LTBP1: variants seen among roughly 807,000 people sequenced by gnomAD.
LTBP1 encodes the protein latent transforming growth factor beta binding protein 1.
In LTBP1, 129 loss-of-function variants were observed where a neutral mutation model predicts 207.6. That is an observed-to-expected ratio of 0.62 (90% CI 0.54 to 0.72). The LOEUF is 0.72. Ranked by LOEUF, LTBP1 falls within the 30% of genes least tolerant of loss-of-function variation. LTBP1 has a pLI of 0.00. For missense variants in LTBP1, 2,281 were observed against 2,217.2 expected (o/e 1.03, Z -0.58); for synonymous variants, 963 against 833.7 (o/e 1.16, Z -2.67).
intron 7 of LTBP1, among the ~76,000 whole-genome samples, chr2:33,203,624 C>G (rs919853202): frequency 5.9e-5 from 9 of 152,130 alleles, no homozygotes; most frequent in Non-Finnish European, 8.8e-5. Context: ...CCCCTCCTCT[C>G]AGATTTTTTT....
chr2:33,081,759 G>C (rs219094), intron 3 of LTBP1, among the ~76,000 whole-genome samples: 58,820 of 151,906 alleles, frequency 0.39, 13,323 homozygotes, highest in East Asian at 0.64. Flanking sequence ...GGAGGGACCC[G>C]GTGGGAGGTA....
intron 5 of LTBP1, among the ~76,000 whole-genome samples, chr2:33,180,589 C>G (rs1007314424): frequency 6.6e-6 from 1 of 151,780 alleles, no homozygotes; most frequent in Non-Finnish European, 1.5e-5. Flanking sequence ...GTAGCTGGGA[C>G]TACAGGTACA....
chr2:32,982,712 G>A (rs769102676), intron 2 of LTBP1, among the ~76,000 whole-genome samples: 20 of 152,332 alleles, frequency 1.3e-4, no homozygotes, highest in Middle Eastern at 3.4e-3. Flanking sequence ...AGCTCGGGCC[G>A]TGGCTTCAGA....
chr2:33,299,014 G>A (rs956778186), intron 20 of LTBP1, among the ~76,000 whole-genome samples: 3 of 152,120 alleles, frequency 2.0e-5, no homozygotes, highest in Non-Finnish European at 2.9e-5. Context: ...GGTGGCTAAC[G>A]CCTGTAATCC....
At chr2:33,262,696 T>C (rs768881817) in intron 13 of LTBP1, 26 bp from the exon 14 acceptor site, 6 of 1,235,348 alleles carry the variant, frequency 4.9e-6, no homozygotes, top group Admixed American at 4.2e-5. Context: ...TTTTTTCTTA[T>C]TCTCTTTTAA....
intron 7 of LTBP1, among the ~76,000 whole-genome samples, chr2:33,198,711 G>C (rs1009448573): frequency 6.6e-6 from 1 of 152,124 alleles, no homozygotes; most frequent in Non-Finnish European, 1.5e-5. Flanking sequence ...ATTCTCTGAT[G>C]GTAGTTTGTA....
chr2:33,161,516 C>T (rs2084468241), intron 5 of LTBP1, among the ~76,000 whole-genome samples: 1 of 152,204 alleles, frequency 6.6e-6, no homozygotes, highest in Admixed American at 6.5e-5. Flanking sequence ...ATCCACCTGC[C>T]TCAGCCTTCC....
In LTBP1 at chr2:32,947,178, T is replaced by A; in HGVS notation, c.-147T>A. On this transcript the variant is annotated 5_prime_UTR_variant, in exon 1 of 34. Transcript: ENST00000404816. ...CCGCTCAGCTGCCCGCAGAGCCTCCTCCCTCGCCACCGACTTGGTCTCCTC... is the reference window on the plus strand; with the variant it reads ...CCGCTCAGCTGCCCGCAGAGCCTCCACCCTCGCCACCGACTTGGTCTCCTC... 1 of 500,568 alleles carries A rather than the reference T, an allele frequency of 2.0e-6. No homozygotes were observed. Among genetic ancestry groups the A allele is most frequent in the Non-Finnish European group, 3.0e-6 (1 of 330,424 alleles). 31.0% of individuals were successfully genotyped at this position (500,568 alleles called of 1,614,324 possible).
intron 2 of LTBP1, among the ~76,000 whole-genome samples, chr2:32,994,674 T>G (rs1236975101): frequency 6.6e-6 from 1 of 152,078 alleles, no homozygotes; most frequent in African/African-American, 2.4e-5. Flanking sequence ...TCCATGTTGA[T>G]CAGGCTGTTC....
At chr2:33,039,063 C>A (rs2076060181) in intron 3 of LTBP1, among the ~76,000 whole-genome samples, 1 of 152,174 alleles carries the variant, frequency 6.6e-6, no homozygotes, top group South Asian at 2.1e-4. Flanking sequence ...TCAGTAGTTT[C>A]ATTTGGGCAG....
intron 2 of LTBP1, among the ~76,000 whole-genome samples, chr2:32,957,678 CAG>C (rs1367163825): frequency 1.3e-5 from 2 of 152,122 alleles, no homozygotes; most frequent in Admixed American, 6.5e-5. Flanking sequence ...GACACAGAGA[CAG>C]AAAGTGAGCA....
At chr2:33,065,618 A>G (rs907092971) in intron 3 of LTBP1, among the ~76,000 whole-genome samples, 2 of 152,022 alleles carry the variant, frequency 1.3e-5, no homozygotes, top group Admixed American at 6.6e-5. Flanking sequence ...CTATATTATG[A>G]ATTCGATTTG....
chr2:33,385,628 G>A (rs756297201), intron 31 of LTBP1, among the ~76,000 whole-genome samples: 5 of 152,180 alleles, frequency 3.3e-5, no homozygotes, highest in Non-Finnish European at 1.5e-5. Flanking sequence ...GCTAAGCTGG[G>A]AAGTAAGTGG....
chr2:32,996,983 C>T (rs1046837721), intron 2 of LTBP1, among the ~76,000 whole-genome samples: 1 of 152,086 alleles, frequency 6.6e-6, no homozygotes, highest in African/African-American at 2.4e-5. Flanking sequence ...CTTCTGGGTC[C>T]AAGCGATTCT....
In LTBP1 at chr2:33,399,098, G is replaced by A. The variant is rs2095384081; in HGVS notation, c.*553G>A. 6.6e-6 allele frequency: 1 copy of A among 152,660 alleles called. No homozygotes were observed. Among genetic ancestry groups the A allele is most frequent in the South Asian group, 2.1e-4 (1 of 4,822 alleles). The allele number at this position is 152,660 out of a possible 1,614,324, so 9.5% of individuals were successfully genotyped here. A position where few individuals can be genotyped will look rare whatever the true frequency, so the allele number is the denominator to read the frequency against. ...AATTGTCTGTCCTGTGGAGCAGGCA[G>A]TGATTTTGTTCCAAAACTTTGTATA... On this transcript the variant is annotated 3_prime_UTR_variant, in exon 34 of 34. Transcript: ENST00000404816.
At chr2:33,392,183 A>ATTT (rs60323377) in intron 32 of LTBP1, among the ~76,000 whole-genome samples, 4 of 148,274 alleles carry the variant, frequency 2.7e-5, no homozygotes, top group Non-Finnish European at 1.5e-5. Flanking sequence ...GCCAGGTAGT[A>ATTT]TTTTTTTTTT....
intron 4 of LTBP1, among the ~76,000 whole-genome samples, chr2:33,123,649 G>A (rs564254493): frequency 6.6e-6 from 1 of 152,298 alleles, no homozygotes; most frequent in South Asian, 2.1e-4. Context: ...ATGTGCTGAA[G>A]GCATTGTGAA....
At chr2:33,109,751 A>G (rs940129794) in intron 3 of LTBP1, among the ~76,000 whole-genome samples, 2 of 152,262 alleles carry the variant, frequency 1.3e-5, no homozygotes, top group Non-Finnish European at 2.9e-5. Context: ...ATCGTAATTT[A>G]TATTTCAAAA....
Position 33,020,337 on chromosome 2 carries a change from C to T in LTBP1, c.566-572C>T, listed in dbSNP as rs77340183. 2.6e-3 allele frequency among the ~76,000 whole-genome samples: 400 copies of T among 151,066 alleles called. 2 individuals are homozygous for T. Among genetic ancestry groups the T allele is most frequent in the Non-Finnish European group, 4.8e-3 (325 of 67,996 alleles). ...TTTTGGGGTTGGGGATTGGACTGAA[C>T]TTTTGTTTTTTGCCAAGTCTTGGCA... is the stretch of plus-strand genomic sequence containing the variant. On this transcript the variant is annotated intron_variant, in intron 2 of 33. Coordinates refer to ENST00000404816, the MANE Select transcript of LTBP1 (RefSeq NM_206943.4).
Sources: allele counts gnomAD v4.1 joint callset (sites outside exome capture counted in the v4.1 genomes callset), GRCh38; gene constraint gnomAD v4.1.1; transcripts MANE v1.5; gene names NCBI Gene and HGNC (gene_info 2026-07-23, HGNC 2026-07-21).